Variants in DPP10 observed in about 807,000 individuals in gnomAD.
DPP10 encodes the protein dipeptidyl peptidase like 10, also known as inactive dipeptidyl peptidase 10.
DPP10 carries 33 observed loss-of-function variants against 120.9 expected under a neutral mutation model. The ratio of observed to expected loss-of-function variants is 0.27; its 90% CI spans 0.21 to 0.37. The LOEUF (loss-of-function observed/expected upper bound fraction) is 0.37. Ranked by LOEUF, DPP10 falls within the 10% of genes least tolerant of loss-of-function variation. The pLI is 1.00. For synonymous variants in DPP10, 337 were observed against 326.1 expected (o/e 1.03, Z -0.36); for missense variants, 816 against 942.8 (o/e 0.87, Z 1.76).
At chr2:114,742,472 A>G (rs1198641331) in intron 1 of DPP10, among the ~76,000 whole-genome samples, 1 of 152,216 alleles carries the variant, frequency 6.6e-6, no homozygotes, top group East Asian at 1.9e-4. Context: ...ATCTTGCATC[A>G]CAATTAATAG....
chr2:115,511,306 T>A (rs1371272283), intron 4 of DPP10, among the ~76,000 whole-genome samples: 2 of 152,128 alleles, frequency 1.3e-5, no homozygotes, highest in Non-Finnish European at 2.9e-5. Context: ...CTTCTGAAAT[T>A]TATGTCTTTC....
intron 1 of DPP10, among the ~76,000 whole-genome samples, chr2:115,204,456 G>A (rs760803066): frequency 6.6e-6 from 1 of 151,954 alleles, no homozygotes; most frequent in East Asian, 1.9e-4. Flanking sequence ...TGATGAATTC[G>A]TTGATAGTAA....
In DPP10 at chr2:115,145,996, C is replaced by T. The variant is rs1305709749; in HGVS notation, c.61-163243C>T. On this transcript the variant is annotated intron_variant, in intron 1 of 25. Coordinates refer to ENST00000410059, the MANE Select transcript of DPP10 (RefSeq NM_020868.6). ...GTTAAAACTTTCTATGTACTAGGCACTATGCAGAGTACTTTTCATATATTT... is the reference window on the plus strand; with the variant it reads ...GTTAAAACTTTCTATGTACTAGGCATTATGCAGAGTACTTTTCATATATTT... 2.0e-5 allele frequency among the ~76,000 whole-genome samples: 3 copies of T among 152,076 alleles called. No individual in the cohort carries two copies. The East Asian group carries it at 5.8e-4, about 29-fold the overall frequency.
At chr2:114,990,489 A>G (rs2104923696) in intron 1 of DPP10, among the ~76,000 whole-genome samples, 1 of 152,108 alleles carries the variant, frequency 6.6e-6, no homozygotes, top group South Asian at 2.1e-4. Context: ...GTGATTCTCC[A>G]GATTCCTTTT....
intron 1 of DPP10, among the ~76,000 whole-genome samples, chr2:114,624,187 A>C (rs1470098976): frequency 6.6e-6 from 1 of 151,990 alleles, no homozygotes; most frequent in Non-Finnish European, 1.5e-5. Flanking sequence ...TAAATAATTT[A>C]AGTAAACCTT....
At chr2:114,628,126 TTATAA>T (rs1482944642) in intron 1 of DPP10, among the ~76,000 whole-genome samples, 2 of 152,150 alleles carry the variant, frequency 1.3e-5, no homozygotes, top group African/African-American at 4.8e-5. Context: ...TTATGGGGAT[TTATAA>T]TATAAGTTTG....
intron 11 of DPP10, among the ~76,000 whole-genome samples, chr2:115,754,319 A>G (rs1179892729): frequency 6.6e-6 from 1 of 152,206 alleles, no homozygotes; most frequent in Admixed American, 6.5e-5. Context: ...CTTAAGTATT[A>G]GGCTCAATGC....
intron 1 of DPP10, among the ~76,000 whole-genome samples, chr2:115,213,371 C>T (rs1292018206): frequency 6.6e-6 from 1 of 152,018 alleles, no homozygotes; most frequent in Non-Finnish European, 1.5e-5. Flanking sequence ...AAGAAATTCC[C>T]CATATTTTTG....
chr2:115,815,817 T>C, intron 21 of DPP10, 88 bp downstream of exon 21: 1 of 1,324,308 alleles, frequency 7.6e-7, no homozygotes, highest in Non-Finnish European at 1.1e-6. Flanking sequence ...GCCAGTTGGT[T>C]ACAGATAAGT....
chr2:114,532,292 T>A, intron 1 of DPP10, among the ~76,000 whole-genome samples: 1 of 67,388 alleles, frequency 1.5e-5, no homozygotes, highest in Non-Finnish European at 2.8e-5. Flanking sequence ...TATATATATA[T>A]ATATACACAC....
At chr2:114,562,813 G>A (rs764821536) in intron 1 of DPP10, among the ~76,000 whole-genome samples, 10 of 152,128 alleles carry the variant, frequency 6.6e-5, no homozygotes, top group Non-Finnish European at 1.3e-4. Context: ...TTAAGTATAT[G>A]TAACCTTTCC....
chr2:115,822,929 T>TA (rs1230814900), intron 21 of DPP10, among the ~76,000 whole-genome samples: 1 of 152,032 alleles, frequency 6.6e-6, no homozygotes, highest in Non-Finnish European at 1.5e-5. Context: ...TGCTTAAATT[T>TA]AAAAAAATTG....
intron 5 of DPP10, among the ~76,000 whole-genome samples, chr2:115,545,894 G>T (rs1297655480): frequency 6.6e-6 from 1 of 152,080 alleles, no homozygotes; most frequent in South Asian, 2.1e-4. Flanking sequence ...TCTGACCTAG[G>T]ACTTGCAGTA....
intron 1 of DPP10, among the ~76,000 whole-genome samples, chr2:114,598,369 G>T (rs1405252796): frequency 1.3e-5 from 2 of 151,888 alleles, no homozygotes; most frequent in Non-Finnish European, 2.9e-5. Context: ...GGTTGGGAAA[G>T]AGGATGGAGA....
At chr2:115,557,157 C>T (rs2080265213) in intron 5 of DPP10, among the ~76,000 whole-genome samples, 1 of 152,096 alleles carries the variant, frequency 6.6e-6, no homozygotes, top group African/African-American at 2.4e-5. Flanking sequence ...GTGGGTGTCT[C>T]TCTCTCCCTC....
chr2:114,654,923 G>A (rs1179855317), intron 1 of DPP10, among the ~76,000 whole-genome samples: 2 of 152,140 alleles, frequency 1.3e-5, no homozygotes, highest in Non-Finnish European at 2.9e-5. Flanking sequence ...CTCAAAAATG[G>A]GTGTGGAGTT....
intron 5 of DPP10, among the ~76,000 whole-genome samples, chr2:115,653,413 T>G (rs2087980589): frequency 6.6e-6 from 1 of 151,996 alleles, no homozygotes; most frequent in Non-Finnish European, 1.5e-5. Flanking sequence ...GCACCAGTAG[T>G]TCACTTTTAA....
chr2:115,734,760 A>G (rs999321099), intron 8 of DPP10, among the ~76,000 whole-genome samples: 2 of 151,652 alleles, frequency 1.3e-5, no homozygotes, highest in Non-Finnish European at 2.9e-5. Context: ...TTTTTTCTGA[A>G]TGTGTCATGT....
intron 1 of DPP10, among the ~76,000 whole-genome samples, chr2:114,776,681 A>T (rs1681773731): frequency 6.6e-6 from 1 of 152,202 alleles, no homozygotes. Flanking sequence ...TTAAAAAAAG[A>T]TCAAAAAATT....
Sources: gnomAD v4.1 joint callset for allele counts (sites outside exome capture counted in the v4.1 genomes callset) on GRCh38, gnomAD v4.1.1 for gene constraint, MANE v1.5 for transcripts, NCBI Gene and HGNC (gene_info 2026-07-23, HGNC 2026-07-21) for gene names.